The following DPP6 variants were observed in gnomAD, a reference collection of about 807,000 sequenced individuals.
The protein encoded by DPP6 is dipeptidyl peptidase like 6, also known as A-type potassium channel modulatory protein DPP6.
A neutral mutation model predicts 122.6 loss-of-function variants in DPP6; 69 were observed. The ratio of observed to expected loss-of-function variants is 0.56; its 90% confidence interval spans 0.46 to 0.69. The LOEUF (loss-of-function observed/expected upper bound fraction) is 0.69, where lower values mean the gene tolerates loss of function less well. Among genes scored for constraint, DPP6 ranks in the 30% least tolerant of loss-of-function variants. DPP6 has a pLI of 0.00. For missense variants in DPP6, 928 were observed against 1,116.9 expected (o/e 0.83, Z 2.41); for synonymous variants, 418 against 433.1 (o/e 0.97, Z 0.43).
At chr7:154,720,650 A>G (rs1841752956) in intron 7 of DPP6, among the ~76,000 whole-genome samples, 2 of 152,298 alleles carry the variant, frequency 1.3e-5, no homozygotes, top group South Asian at 4.1e-4. Flanking sequence ...GTGTTTCAAC[A>G]GCATCTCCCA....
chr7:154,394,484 C>A (rs564817529), intron 1 of DPP6, among the ~76,000 whole-genome samples: 8 of 45,038 alleles, frequency 1.8e-4, no homozygotes, highest in African/African-American at 6.0e-4. Flanking sequence ...TTTGTTAATT[C>A]CTTATTACAT....
intron 7 of DPP6, among the ~76,000 whole-genome samples, chr7:154,705,839 T>C (rs2131283658): frequency 6.6e-6 from 1 of 152,338 alleles, no homozygotes; most frequent in African/African-American, 2.4e-5. Context: ...CTTCTATTTG[T>C]TGGTAGAATA....
At chr7:153,899,437 A>G (rs1385363248) in intron 1 of DPP6, among the ~76,000 whole-genome samples, 1 of 152,162 alleles carries the variant, frequency 6.6e-6, no homozygotes, top group Admixed American at 6.5e-5. Context: ...GAGGAATGCA[A>G]TGGATCGTCT....
Position 154,594,531 on chromosome 7 carries a change from A to G in DPP6, c.627+27615A>G, listed in dbSNP as rs567410576. 2.6e-5 allele frequency among the ~76,000 whole-genome samples: 4 copies of G among 152,312 alleles called. No individual in the cohort carries two copies. The South Asian group carries it at 8.3e-4, about 32-fold the overall frequency. ...CTCACCCCAGGTTATCTACAGCCAG[A>G]TACCATTTGGATTATTGAATTCCTA... On this transcript the variant is annotated intron_variant, in intron 5 of 25. Transcript: ENST00000377770.
At chr7:154,802,042 T>C (rs540865806) in intron 13 of DPP6, among the ~76,000 whole-genome samples, 2 of 152,070 alleles carry the variant, frequency 1.3e-5, no homozygotes, top group East Asian at 3.9e-4. Context: ...GGGGTCACCA[T>C]CTCCTGAAGA....
chr7:153,758,985 A>G, the DPP6 span, among the ~76,000 whole-genome samples: 1 of 151,964 alleles, frequency 6.6e-6, no homozygotes, highest in Non-Finnish European at 1.5e-5. Flanking sequence ...AGAATTTTAT[A>G]TTTCTACCTG....
intron 1 of DPP6, among the ~76,000 whole-genome samples, chr7:154,337,358 A>T (rs1809518365): frequency 6.6e-6 from 1 of 152,142 alleles, no homozygotes; most frequent in Non-Finnish European, 1.5e-5. Flanking sequence ...CATAAAATTA[A>T]CCCAGGTGGA....
At chr7:154,869,232 A>G (rs1476896461) in intron 18 of DPP6, among the ~76,000 whole-genome samples, 2 of 152,104 alleles carry the variant, frequency 1.3e-5, no homozygotes, top group African/African-American at 4.8e-5. Context: ...TGTCGCCTGG[A>G]GCCTAGGGTA....
chr7:154,442,974 T>A (rs1373162107), intron 1 of DPP6, among the ~76,000 whole-genome samples: 1 of 152,168 alleles, frequency 6.6e-6, no homozygotes, highest in Non-Finnish European at 1.5e-5. Context: ...CACACTGCTG[T>A]GCTCACACCC....
chr7:154,049,033 TAGAAAA>T (rs1800160351), upstream of DPP6, among the ~76,000 whole-genome samples: 2 of 148,870 alleles, frequency 1.3e-5, no homozygotes, highest in African/African-American at 5.0e-5. Flanking sequence ...TGAAACTAGA[TAGAAAA>T]ATGGGTTGGG....
At chr7:153,954,799 A>G (rs1188614901) in intron 1 of DPP6, among the ~76,000 whole-genome samples, 1 of 152,168 alleles carries the variant, frequency 6.6e-6, no homozygotes, top group Non-Finnish European at 1.5e-5. Context: ...TCTCCCATGC[A>G]ATTTTGGACT....
At chr7:154,202,322 C>T (rs1563311750) in intron 1 of DPP6, among the ~76,000 whole-genome samples, 1 of 152,142 alleles carries the variant, frequency 6.6e-6, no homozygotes, top group Admixed American at 6.5e-5. Flanking sequence ...AGTAAAAATA[C>T]GGTGACAATA....
intron 1 of DPP6, among the ~76,000 whole-genome samples, chr7:154,164,537 A>G (rs1314810093): frequency 1.3e-5 from 2 of 152,156 alleles, no homozygotes; most frequent in African/African-American, 4.8e-5. Context: ...GTATTTTCAG[A>G]GAATTGTGGA....
intron 1 of DPP6, among the ~76,000 whole-genome samples, chr7:154,325,102 A>C (rs1219257263): frequency 6.6e-6 from 1 of 151,986 alleles, no homozygotes; most frequent in African/African-American, 2.4e-5. Context: ...CCTGACCTCA[A>C]GTGATTCTCC....
At chr7:154,686,703 A>G (rs1226406582) in intron 7 of DPP6, among the ~76,000 whole-genome samples, 2 of 152,170 alleles carry the variant, frequency 1.3e-5, no homozygotes, top group Admixed American at 6.5e-5. Context: ...GCCCTTTCAG[A>G]GCTGGATCAA....
At chr7:154,637,925 A>T in intron 6 of DPP6, 52 bp downstream of exon 6, 1 of 1,537,642 alleles carries the variant, frequency 6.5e-7, no homozygotes, top group Non-Finnish European at 8.8e-7. Context: ...GGCAAAGTGA[A>T]GGGTAGAACA....
chr7:154,335,794 C>T (rs1289666439), intron 1 of DPP6, among the ~76,000 whole-genome samples: 1 of 151,994 alleles, frequency 6.6e-6, no homozygotes, highest in African/African-American at 2.4e-5. Flanking sequence ...AAACCTGGAC[C>T]GTTTCTGGTG....
At chr7:154,439,998 G>C (rs1819226060) in intron 1 of DPP6, among the ~76,000 whole-genome samples, 1 of 152,208 alleles carries the variant, frequency 6.6e-6, no homozygotes, top group Admixed American at 6.5e-5. Flanking sequence ...GGTGGACACT[G>C]CCCAGGGGAA....
chr7:154,417,754 G>T (rs1817146838), intron 1 of DPP6, among the ~76,000 whole-genome samples: 1 of 152,176 alleles, frequency 6.6e-6, no homozygotes, highest in Admixed American at 6.5e-5. Flanking sequence ...TTTCCCATCT[G>T]CATTTAGTCC....
Sources: allele counts gnomAD v4.1 joint callset (sites outside exome capture counted in the v4.1 genomes callset), GRCh38; gene constraint gnomAD v4.1.1; transcripts MANE v1.5; gene names NCBI Gene and HGNC (gene_info 2026-07-23, HGNC 2026-07-21).